IFT52: variants seen among roughly 807,000 people sequenced by gnomAD.
IFT52 encodes intraflagellar transport 52, also known as intraflagellar transport protein 52 homolog.
A neutral mutation model predicts 54.4 loss-of-function variants in IFT52; 44 were observed. That is an observed-to-expected ratio of 0.81 (90% CI 0.63 to 1.04). The LOEUF (loss-of-function observed/expected upper bound fraction) is 1.04. IFT52 is among the 50% of genes least tolerant of loss of function. IFT52 has a pLI of 0.00. For synonymous variants in IFT52, 181 were observed against 185.3 expected (o/e 0.98, Z 0.19); for missense variants, 452 against 523.6 (o/e 0.86, Z 1.33).
Position 43,613,951 on chromosome 20 carries a change from C to A in IFT52, c.587C>A (p.Pro196His). The stretch of plus-strand genomic sequence containing the variant: ...TCTGTCTGCTTCCCACTTAACAGAC[C>A]CATTTTGGCTTTCTATCACTCAAAG... Reference protein sequence around the residue: ...TGSVCFPLNRPILAFYHSKNQ... With the variant: ...TGSVCFPLNRHILAFYHSKNQ... The change falls in exon 7 of 14, where the codon CCC becomes CAC. Residue 196 changes from proline (P) to histidine (H), a missense_variant. Physicochemically the swap from Pro to His is moderately conservative, Grantham distance 77 (BLOSUM62 -2). Coordinates refer to ENST00000373030, the MANE Select transcript of IFT52 (RefSeq NM_016004.5). 6.2e-7 allele frequency: 1 copy of A among 1,613,804 alleles called. No individual in the cohort carries two copies. Among genetic ancestry groups the A allele is most frequent in the Non-Finnish European group, 8.5e-7 (1 of 1,179,746 alleles).
At chr20:43,639,226 C>T (rs1017295558) in intron 12 of IFT52, among the ~76,000 whole-genome samples, 4 of 129,966 alleles carry the variant, frequency 3.1e-5, no homozygotes, top group African/African-American at 1.2e-4. Flanking sequence ...TCACATAGAC[C>T]CCATCTCTAC....
At chr20:43,603,926 T>A in intron 4 of IFT52, 37 bp downstream of exon 4, 1 of 1,348,860 alleles carries the variant, frequency 7.4e-7, no homozygotes, top group Non-Finnish European at 1.0e-6. Flanking sequence ...AGGCAGTACT[T>A]TTCTATCTAT....
intron 12 of IFT52, among the ~76,000 whole-genome samples, chr20:43,641,352 C>T (rs1003502454): frequency 4.6e-5 from 7 of 152,134 alleles, no homozygotes; most frequent in African/African-American, 1.7e-4. Flanking sequence ...ATTCTCCTGC[C>T]TCAGCCTTCC....
chr20:43,637,088 T>C, intron 11 of IFT52, 57 bp from the exon 12 acceptor site: 1 of 1,203,070 alleles, frequency 8.3e-7, no homozygotes, highest in Non-Finnish European at 1.2e-6. Flanking sequence ...TTGAGAGACT[T>C]TATTTCCTTT....
At chr20:43,634,372 T>C (rs1290618496) in intron 10 of IFT52, among the ~76,000 whole-genome samples, 1 of 152,118 alleles carries the variant, frequency 6.6e-6, no homozygotes, top group Non-Finnish European at 1.5e-5. Context: ...ACCTTTACAC[T>C]AAATCAAAGA....
chr20:43,637,161 T>G lies in IFT52; in HGVS notation c.1028T>G (p.Phe343Cys), dbSNP rs1312285668. The G allele has an allele frequency of 6.2e-7, 1 of 1,611,214 alleles. No individual in the cohort carries two copies. The highest frequency in any genetic ancestry group is 2.2e-5 in the East Asian group (1 of 44,828). Reference sequence around the variant, plus strand: ...TCCTTTTAGGTTTTTCCTCCCAGTTTCCGGGAGTTACCACCTCCTCCTCTG... The same window carrying G: ...TCCTTTTAGGTTTTTCCTCCCAGTTGCCGGGAGTTACCACCTCCTCCTCTG... ...TLQPAVFPPS[F>C]RELPPPPLEL... The change falls in exon 12 of 14, where the codon TTC (phenylalanine) becomes TGC (cysteine). Residue 343 changes from phenylalanine (F) to cysteine (C), a missense_variant. Phe to Cys is a radical substitution (Grantham distance 205). Coordinates refer to ENST00000373030, the MANE Select transcript of IFT52 (RefSeq NM_016004.5).
chr20:43,616,371 T>C (rs1983856352), intron 7 of IFT52, among the ~76,000 whole-genome samples: 1 of 151,804 alleles, frequency 6.6e-6, no homozygotes, highest in South Asian at 2.1e-4. Context: ...TAGCCCAGCA[T>C]GATGGTGAGT....
chr20:43,623,800 A>C (rs1984515311), intron 9 of IFT52, 91 bp from the exon 10 acceptor site: 13 of 1,366,008 alleles, frequency 9.5e-6, no homozygotes, highest in Admixed American at 2.2e-5. Flanking sequence ...GAGAATATAA[A>C]TGTTGCAGAT....
intron 3 of IFT52, among the ~76,000 whole-genome samples, chr20:43,600,497 G>A (rs987661182): frequency 7.3e-5 from 11 of 151,720 alleles, no homozygotes; most frequent in African/African-American, 2.2e-4. Flanking sequence ...GTAGAGATGG[G>A]GTTTCACCGT....
At position 43,603,810 on chromosome 20, in the gene IFT52, G is replaced by A. The variant is rs755382307; in HGVS notation, c.258G>A (p.Met86Ile). 1.9e-6 allele frequency: 3 copies of A among 1,606,932 alleles called. No individual in the cohort carries two copies. Among genetic ancestry groups the A allele is most frequent in the Non-Finnish European group, 2.6e-6 (3 of 1,174,832 alleles). The change falls in exon 4 of 14, where the codon ATG becomes ATA. Residue 86 changes from methionine to isoleucine, a missense_variant. By Grantham distance (10) the Met-to-Ile change is conservative. Transcript: ENST00000373030. The part of the protein sequence containing the change: ...YLDTGGDVFV[M>I]LGEGGESRFD... ...ACACTGGTGGAGATGTCTTTGTGAT[G>A]CTAGGAGAAGGTGGAGAATCCAGAT...
At chr20:43,604,044 C>G (rs1242593313) in intron 4 of IFT52, 139 bp from the exon 5 acceptor site, 23 of 933,800 alleles carry the variant, frequency 2.5e-5, no homozygotes, top group Non-Finnish European at 3.4e-5. Flanking sequence ...GCCTCCTAGG[C>G]TTGGGCTGCT....
chr20:43,635,558 A>G (rs113093924), intron 10 of IFT52, among the ~76,000 whole-genome samples: 1 of 152,044 alleles, frequency 6.6e-6, no homozygotes, highest in African/African-American at 2.4e-5. Context: ...CGGCCTCCCA[A>G]AGTGCTAAGA....
intron 13 of IFT52, among the ~76,000 whole-genome samples, chr20:43,646,575 C>T (rs1186159662): frequency 6.6e-6 from 1 of 152,126 alleles, no homozygotes; most frequent in East Asian, 1.9e-4. Context: ...GATGTGGCTG[C>T]TCAGCAGTGA....
chr20:43,643,178 AAAAC>A (rs1986043767), intron 13 of IFT52, among the ~76,000 whole-genome samples: 1 of 146,916 alleles, frequency 6.8e-6, no homozygotes, highest in African/African-American at 2.5e-5. Context: ...AAAAAACAAA[AAAAC>A]AAAACAAAAC....
intron 6 of IFT52, among the ~76,000 whole-genome samples, chr20:43,605,580 G>GT (rs967612210): frequency 2.2e-3 from 320 of 147,858 alleles, no homozygotes; most frequent in African/African-American, 6.1e-3. Context: ...AGATTTCTAG[G>GT]TTTTTTTTTT....
chr20:43,617,563 C>T (rs2145628704), intron 7 of IFT52, among the ~76,000 whole-genome samples: 1 of 152,060 alleles, frequency 6.6e-6, no homozygotes, highest in South Asian at 2.1e-4. Flanking sequence ...CATGCCTCAG[C>T]TTCCTGAGTA....
In IFT52 at chr20:43,613,636, A is replaced by G. The variant is rs113764648; in HGVS notation, c.486-214A>G. On this transcript the variant is annotated intron_variant, in intron 6 of 13. Transcript: ENST00000373030. ...GGCTCTACTAAAAATACAAAAATTA[A>G]CTGGGCGTGATAGCAGGCACTGAGG... Among the ~76,000 whole-genome samples the G allele has an allele frequency of 5.3e-4, 81 of 152,296 alleles. 1 individual carries two copies. The highest frequency in any genetic ancestry group is 1.8e-3 in the African/African-American group (75 of 41,568).
At chr20:43,621,114 A>T in intron 9 of IFT52, 189 bp downstream of exon 9, 1 of 466,168 alleles carries the variant, frequency 2.1e-6, no homozygotes, top group East Asian at 3.2e-5. Context: ...TATGTAATTA[A>T]TCATAGAATT....
Position 43,634,214 on chromosome 20 carries a change from GAA to G in IFT52, c.924-1702_924-1701del, listed in dbSNP as rs11086885. Reference sequence around the variant, plus strand: ...TAGATTGTGGTTTTTGTGCATAAATGAAAAAAAAAAATAGAAGAAGAAGAAAA... The same window carrying G: ...TAGATTGTGGTTTTTGTGCATAAATGAAAAAAAAATAGAAGAAGAAGAAAA... On this transcript the variant is annotated intron_variant, in intron 10 of 13. Coordinates refer to ENST00000373030, the MANE Select transcript of IFT52 (RefSeq NM_016004.5). Among the ~76,000 whole-genome samples the G allele has an allele frequency of 1.0e-4, 15 of 149,744 alleles. No individual in the cohort carries two copies. The South Asian group carries it at 1.3e-3, about 13-fold the overall frequency.
Sources: allele counts gnomAD v4.1 joint callset (sites outside exome capture counted in the v4.1 genomes callset), GRCh38; gene constraint gnomAD v4.1.1; transcripts MANE v1.5; gene names NCBI Gene and HGNC (gene_info 2026-07-23, HGNC 2026-07-21).